Variants in BCAS3 observed in about 807,000 individuals in gnomAD.
BCAS3 encodes the protein BCAS4/BCAS3 fusion.
BCAS3 carries 53 observed loss-of-function variants against 116.1 expected under a neutral mutation model. That is an observed-to-expected ratio of 0.46 (90% CI 0.37 to 0.57). The LOEUF (loss-of-function observed/expected upper bound fraction) is 0.57. BCAS3 is among the 20% of genes least tolerant of loss of function. The pLI is 0.00. For synonymous variants in BCAS3, 391 were observed against 408.2 expected, an observed-to-expected ratio of 0.96 and a Z score of 0.51; for missense variants, 917 against 1,165.4, an observed-to-expected ratio of 0.79 and a Z score of 3.10.
At position 60,867,526 on chromosome 17, in the gene BCAS3, A is replaced by T. The variant is rs192883877; in HGVS notation, c.477-1050A>T. 6.4e-4 allele frequency among the ~76,000 whole-genome samples: 98 copies of T among 152,322 alleles called. 1 individual carries two copies. The highest frequency in any genetic ancestry group is 7.9e-4 in the Non-Finnish European group (54 of 68,020). On this transcript the variant is annotated intron_variant, in intron 7 of 23. Coordinates refer to ENST00000407086, the MANE Select transcript of BCAS3 (RefSeq NM_017679.5). ...TTTAATGTCATTTTATATGATTTTT[A>T]AAAAAATTTTACTAATTGTTTCTCA...
rs111331812 is a variant in BCAS3, at chr17:60,761,386, C to T, written c.403+14107C>T. On this transcript the variant is annotated intron_variant, in intron 6 of 23. Transcript: ENST00000407086. ...CATGCCCCCACTCCACGACAGGCCC[C>T]GGTGTATGCTGTTCCCTGCCCTGTG... is the stretch of plus-strand genomic sequence containing the variant. 8.6e-3 allele frequency among the ~76,000 whole-genome samples: 1,307 copies of T among 151,768 alleles called. 19 individuals carry two copies. Among genetic ancestry groups the T allele is most frequent in the African/African-American group, 0.029 (1,211 of 41,182 alleles).
At chr17:60,933,281 G>A (rs1254946503) in intron 13 of BCAS3, among the ~76,000 whole-genome samples, 3 of 152,104 alleles carry the variant, frequency 2.0e-5, no homozygotes, top group Admixed American at 6.5e-5. Flanking sequence ...TCAAACTATC[G>A]TTAGAAACAT....
intron 7 of BCAS3, among the ~76,000 whole-genome samples, chr17:60,841,902 T>TA (rs2051970694): frequency 6.6e-6 from 1 of 152,032 alleles, no homozygotes; most frequent in Non-Finnish European, 1.5e-5. Context: ...AAAGAGTCTC[T>TA]AGTGATGGTG....
At position 61,132,187 on chromosome 17, in the gene BCAS3, T is replaced by C. The variant is rs1300870727; in HGVS notation, c.2425+47623T>C. ...GATTTTTACTAAATTTGATGTTAGG[T>C]ACCTATAATTACCTTCCCTTCTTCT... On this transcript the variant is annotated intron_variant, in intron 22 of 23. Transcript: ENST00000407086. This position sits in a 1 kb window ranked among gnomAD's most constrained non-coding sequence, Gnocchi z 5.1. Among the ~76,000 whole-genome samples, 6 of 152,218 alleles carry C rather than the reference T, an allele frequency of 3.9e-5. No individual in the cohort carries two copies. Among genetic ancestry groups the C allele is most frequent in the African/African-American group, 1.4e-4 (6 of 41,452 alleles).
In BCAS3 at chr17:61,348,129, A is replaced by G. The variant is rs1003988000; in HGVS notation, c.2426-20198A>G. ...TGAGAACTGGTAAGAGCCTAAGCCC[A>G]GTGGCTAAGGAAAGTAGGAGACAAA... On this transcript the variant is annotated intron_variant, in intron 22 of 23. Coordinates refer to ENST00000407086, the MANE Select transcript of BCAS3 (RefSeq NM_017679.5). This position sits in a 1 kb window ranked among gnomAD's most constrained non-coding sequence, Gnocchi z 4.5. Among the ~76,000 whole-genome samples, 6 of 152,240 alleles carry G rather than the reference A, an allele frequency of 3.9e-5. No individual in the cohort carries two copies. Among genetic ancestry groups the G allele is most frequent in the African/African-American group, 1.4e-4 (6 of 41,466 alleles).
chr17:61,100,937 C>T (rs1454403321), intron 22 of BCAS3, among the ~76,000 whole-genome samples: 1 of 152,106 alleles, frequency 6.6e-6, no homozygotes, highest in African/African-American at 2.4e-5. Context: ...TGTCACAGAG[C>T]TAGTAGATGG....
intron 6 of BCAS3, among the ~76,000 whole-genome samples, chr17:60,791,456 C>T (rs2046760838): frequency 6.6e-6 from 1 of 152,078 alleles, no homozygotes; most frequent in Non-Finnish European, 1.5e-5. Flanking sequence ...GAGTTTAAGA[C>T]TAGCCTGGGC....
rs540960046 is a variant in BCAS3, at chr17:61,211,883, C to T, written c.2425+127319C>T. Among the ~76,000 whole-genome samples, 17 of 152,306 alleles carry T rather than the reference C, an allele frequency of 1.1e-4. No homozygotes were observed. The highest frequency in any genetic ancestry group is 1.9e-4 in the African/African-American group (8 of 41,578). On this transcript the variant is annotated intron_variant, in intron 22 of 23. Coordinates refer to ENST00000407086, the MANE Select transcript of BCAS3 (RefSeq NM_017679.5). The surrounding 1 kb of genome is among the most constrained non-coding windows in gnomAD (Gnocchi z 4.4). ...CAGGGCCTTAGCATAAAGTTAATAT[C>T]GTCAAAGATCTGACTATAATCCATT...
intron 22 of BCAS3, among the ~76,000 whole-genome samples, chr17:61,185,089 G>A (rs1366846203): frequency 6.6e-6 from 1 of 151,414 alleles, no homozygotes; most frequent in Non-Finnish European, 1.5e-5. Context: ...TTTAATTAAG[G>A]GTAAATTAAA....
chr17:60,921,646 C>T (rs1169003227), intron 12 of BCAS3, among the ~76,000 whole-genome samples: 2 of 144,624 alleles, frequency 1.4e-5, no homozygotes, highest in Non-Finnish European at 3.0e-5. Context: ...ACATTGACCA[C>T]ACATGGACAT....
At position 61,379,960 on chromosome 17, in the gene BCAS3, G is replaced by A. The variant is rs1269535130; in HGVS notation, c.2593+11466G>A. 1 of 155,144 alleles carries A rather than the reference G, an allele frequency of 6.4e-6. No homozygotes were observed. The highest frequency in any genetic ancestry group is 1.4e-5 in the Non-Finnish European group (1 of 69,946). 9.6% of individuals were successfully genotyped at this position (155,144 alleles called of 1,614,324 possible). ...ACTGTTTGGTGCTGACCCGAGGGGT[G>A]GGTTGGTGGAGTACGAGCCTGGGCT... is the stretch of plus-strand genomic sequence containing the variant. On this transcript the variant is annotated intron_variant, in intron 23 of 23. Transcript: ENST00000407086. The surrounding 1 kb of genome is among the most constrained non-coding windows in gnomAD (Gnocchi z 5.5).
intron 22 of BCAS3, among the ~76,000 whole-genome samples, chr17:61,166,317 T>C (rs950297234): frequency 6.6e-6 from 1 of 151,798 alleles, no homozygotes; most frequent in Non-Finnish European, 1.5e-5. Context: ...TAATAGCAAA[T>C]AGCTCCATAA....
At chr17:61,207,433 T>A (rs2081209183) in intron 22 of BCAS3, among the ~76,000 whole-genome samples, 1 of 152,164 alleles carries the variant, frequency 6.6e-6, no homozygotes, top group Non-Finnish European at 1.5e-5. Flanking sequence ...TCAAGAAAGA[T>A]CCCAAATGTG....
At chr17:61,369,357 ACT>A (rs1468846145) in intron 23 of BCAS3, among the ~76,000 whole-genome samples, 2 of 152,056 alleles carry the variant, frequency 1.3e-5, no homozygotes, top group East Asian at 3.9e-4. Context: ...TCCTCTCAAG[ACT>A]CTGTCACTCT....
Position 61,368,228 on chromosome 17 carries a change from T to G in BCAS3, c.2426-99T>G. 6 of 1,324,580 alleles carry G rather than the reference T, an allele frequency of 4.5e-6. No individual in the cohort carries two copies. The South Asian group carries it at 8.9e-5, about 20-fold the overall frequency. The allele number at this position is 1,324,580 out of a possible 1,614,324, so 82.1% of individuals were successfully genotyped here. On this transcript the variant is annotated intron_variant, in intron 22 of 23. Coordinates refer to ENST00000407086, the MANE Select transcript of BCAS3 (RefSeq NM_017679.5). This position sits in a 1 kb window ranked among gnomAD's most constrained non-coding sequence, Gnocchi z 6.0. ...CTTCCATCCTACAGGAAGGCTACAA[T>G]GGACCCTGGGTATGGAGAGGAGCGG...
chr17:60,781,835 A>G lies in BCAS3; in HGVS notation c.404-26169A>G, dbSNP rs140787410. 1.7e-3 allele frequency among the ~76,000 whole-genome samples: 254 copies of G among 152,242 alleles called. 7 individuals are homozygous for G. The South Asian group carries it at 0.033, about 20-fold the overall frequency. ...ACAGTTGCTATGTGCTTCTAGACCT[A>G]TTTCTAGGTGTGAATTTCATTTTAT... On this transcript the variant is annotated intron_variant, in intron 6 of 23. Transcript: ENST00000407086.
At chr17:61,273,319 A>G (rs1006088385) in intron 22 of BCAS3, among the ~76,000 whole-genome samples, 1 of 152,034 alleles carries the variant, frequency 6.6e-6, no homozygotes, top group Non-Finnish European at 1.5e-5. Flanking sequence ...CATGTTGCCC[A>G]GACTGACTAC....
At position 60,814,674 on chromosome 17, in the gene BCAS3, G is replaced by A. The variant is rs535556874; in HGVS notation, c.476+6598G>A. On this transcript the variant is annotated intron_variant, in intron 7 of 23. Transcript: ENST00000407086. Reference sequence around the variant, plus strand: ...AAAGATACTTTTGTTATTTTAGTACGTTTGACGTATACCATTTAGTTACTT... The same window carrying A: ...AAAGATACTTTTGTTATTTTAGTACATTTGACGTATACCATTTAGTTACTT... Among the ~76,000 whole-genome samples, 25 of 152,216 alleles carry A rather than the reference G, an allele frequency of 1.6e-4. 1 individual carries two copies. The highest frequency in any genetic ancestry group is 3.1e-4 in the Non-Finnish European group (21 of 68,020).
At chr17:61,358,827 G>A (rs369973914) in intron 22 of BCAS3, among the ~76,000 whole-genome samples, 7 of 152,178 alleles carry the variant, frequency 4.6e-5, no homozygotes, top group South Asian at 2.1e-4. Context: ...CAAATTGCCC[G>A]TCAGATAGCT....
Sources: gnomAD v4.1 joint callset for allele counts (sites outside exome capture counted in the v4.1 genomes callset) on GRCh38, gnomAD v4.1.1 for gene constraint, Gnocchi (gnomAD v3.1) non-coding constraint, MANE v1.5 for transcripts, NCBI Gene and HGNC (gene_info 2026-07-23, HGNC 2026-07-21) for gene names.